Variants in CADPS2 observed in about 807,000 individuals in gnomAD.
The protein encoded by CADPS2 is calcium dependent secretion activator 2.
A neutral mutation model predicts 172.5 loss-of-function variants in CADPS2; 93 were observed. The ratio of observed to expected loss-of-function variants is 0.54; its 90% CI spans 0.46 to 0.64. CADPS2 has a LOEUF of 0.64. CADPS2 is among the 30% of genes least tolerant of loss of function. The pLI, the probability that CADPS2 is intolerant of heterozygous loss-of-function variation, is 0.00. For synonymous variants in CADPS2, 546 were observed against 555.2 expected (o/e 0.98, Z 0.23); for missense variants, 1,420 against 1,565.9 (o/e 0.91, Z 1.57).
Position 122,661,577 on chromosome 7 carries a change from G to A in CADPS2, c.786+1660C>T, listed in dbSNP as rs370799953. On this transcript the variant is annotated intron_variant, in intron 3 of 29. Transcript: ENST00000449022. ...TTCTTTCAAATCTCAGAACTGAAAG[G>A]AATTATAGCTTTAACTGAGACATAT... Among the ~76,000 whole-genome samples the A allele has an allele frequency of 9.0e-4, 137 of 152,106 alleles. 2 individuals carry two copies. The highest frequency in any genetic ancestry group is 3.2e-3 in the African/African-American group (132 of 41,494).
chr7:122,409,308 C>G (rs1214648675), intron 19 of CADPS2, among the ~76,000 whole-genome samples: 1 of 152,156 alleles, frequency 6.6e-6, no homozygotes, highest in Non-Finnish European at 1.5e-5. Context: ...AATCTCACTT[C>G]CAGTTCACAG....
At chr7:122,375,677 G>A (rs1480564311) in intron 25 of CADPS2, among the ~76,000 whole-genome samples, 1 of 151,958 alleles carries the variant, frequency 6.6e-6, no homozygotes, top group African/African-American at 2.4e-5. Context: ...AAAACATAGG[G>A]AAAAAGTTTC....
intron 1 of CADPS2, among the ~76,000 whole-genome samples, chr7:122,773,465 G>C (rs2093767168): frequency 6.6e-6 from 1 of 151,982 alleles, no homozygotes; most frequent in Non-Finnish European, 1.5e-5. Context: ...AAACTTTAAA[G>C]ATACCTTCGG....
At chr7:122,489,779 A>C (rs2058127671) in intron 11 of CADPS2, among the ~76,000 whole-genome samples, 1 of 152,132 alleles carries the variant, frequency 6.6e-6, no homozygotes, top group Non-Finnish European at 1.5e-5. Context: ...TAAGTCAAAA[A>C]TCACAATAAA....
chr7:122,412,585 T>C (rs1019816807), intron 19 of CADPS2, among the ~76,000 whole-genome samples: 8 of 152,240 alleles, frequency 5.3e-5, no homozygotes, highest in African/African-American at 1.7e-4. Flanking sequence ...AACTGAGAGC[T>C]GTCTGCATTG....
In CADPS2 at chr7:122,705,959, T is replaced by TTATATAATATAATATATA. The variant is rs2087274618; in HGVS notation, c.453+30995_453+30996insTATATATTATATTATATA. ...ATTATATAATATAATATATAATATA[T>TTATATAATATAATATATA]ATATAATATAATATAATATATAATA... is the stretch of plus-strand genomic sequence containing the variant. On this transcript the variant is annotated intron_variant, in intron 2 of 29. Coordinates refer to ENST00000449022, the MANE Select transcript of CADPS2 (RefSeq NM_017954.11). 2.2e-4 allele frequency among the ~76,000 whole-genome samples: 5 copies of TTATATAATATAATATATA among 23,150 alleles called. 2 individuals carry two copies. Among genetic ancestry groups the TTATATAATATAATATATA allele is most frequent in the African/African-American group, 1.1e-3 (5 of 4,580 alleles). The allele number at this position is 23,150 out of a possible 152,430, so 15.2% of individuals were successfully genotyped here. A position where few individuals can be genotyped will look rare whatever the true frequency, so the allele number is the denominator to read the frequency against.
intron 6 of CADPS2, among the ~76,000 whole-genome samples, chr7:122,597,588 T>C (rs2072040386): frequency 1.3e-5 from 2 of 152,158 alleles, no homozygotes; most frequent in African/African-American, 2.4e-5. Context: ...ACCATAGTTT[T>C]GTCTCTGAAA....
intron 13 of CADPS2, among the ~76,000 whole-genome samples, chr7:122,473,369 G>T (rs1307519007): frequency 6.6e-6 from 1 of 152,134 alleles, no homozygotes; most frequent in African/African-American, 2.4e-5. Context: ...TCTGGCTTGG[G>T]AGGCTGCCTG....
intron 15 of CADPS2, among the ~76,000 whole-genome samples, chr7:122,447,325 C>A (rs1047180578): frequency 9.3e-5 from 14 of 151,134 alleles, no homozygotes; most frequent in Admixed American, 3.9e-4. Flanking sequence ...AAAAGTAGTA[C>A]AATCTAATTA....
chr7:122,416,569 C>CT lies in CADPS2; in HGVS notation c.2477-406dup, dbSNP rs148331962. The stretch of plus-strand genomic sequence containing the variant: ...ATTCCTGGCATTAGCAAAACCCATG[C>CT]TTTTTTGTTGCTGTTTAAATTCCCG... On this transcript the variant is annotated intron_variant, in intron 17 of 29. Transcript: ENST00000449022. Among the ~76,000 whole-genome samples the CT allele has an allele frequency of 3.9e-3, 590 of 152,238 alleles. 5 individuals are homozygous for CT. The highest frequency in any genetic ancestry group is 0.013 in the African/African-American group (560 of 41,532).
chr7:122,605,988 A>C (rs2073475304), intron 6 of CADPS2, among the ~76,000 whole-genome samples: 1 of 152,168 alleles, frequency 6.6e-6, no homozygotes, highest in Non-Finnish European at 1.5e-5. Context: ...AAATGTCCCC[A>C]AACCACACAG....
chr7:122,776,945 A>G (rs1461377019), intron 1 of CADPS2, among the ~76,000 whole-genome samples: 1 of 152,068 alleles, frequency 6.6e-6, no homozygotes, highest in Admixed American at 6.6e-5. Flanking sequence ...GAGCCCAGGA[A>G]AAGGAGACCA....
intron 3 of CADPS2, among the ~76,000 whole-genome samples, chr7:122,639,770 A>C (rs1043900405): frequency 3.3e-5 from 5 of 152,176 alleles, no homozygotes; most frequent in Non-Finnish European, 5.9e-5. Context: ...TGTCATTAGG[A>C]AACTGGAGAT....
chr7:122,850,778 C>T (rs530302580), intron 1 of CADPS2, among the ~76,000 whole-genome samples: 1 of 152,288 alleles, frequency 6.6e-6, no homozygotes, highest in South Asian at 2.1e-4. Context: ...ATCATGGATT[C>T]ATTACACCTT....
Position 122,461,576 on chromosome 7 carries a change from C to A in CADPS2, c.2186+9799G>T, listed in dbSNP as rs145373135. Among the ~76,000 whole-genome samples the A allele has an allele frequency of 2.0e-5, 3 of 152,146 alleles. No homozygotes were observed. The East Asian group carries it at 5.8e-4, about 29-fold the overall frequency. Reference sequence around the variant, plus strand: ...CCTCAAAAGACTAGCATTTGTACTGCCAAGAGCCTTTTTTGTTGTTGTTTT... The same window carrying A: ...CCTCAAAAGACTAGCATTTGTACTGACAAGAGCCTTTTTTGTTGTTGTTTT... On this transcript the variant is annotated intron_variant, in intron 14 of 29. Coordinates refer to ENST00000449022, the MANE Select transcript of CADPS2 (RefSeq NM_017954.11).
chr7:122,872,903 C>T (rs1052131456), intron 1 of CADPS2, among the ~76,000 whole-genome samples: 4 of 152,058 alleles, frequency 2.6e-5, no homozygotes, highest in African/African-American at 9.7e-5. Flanking sequence ...AACCCAAGAA[C>T]AAAACTGGAG....
At chr7:122,587,339 C>A (rs2069891407) in intron 6 of CADPS2, among the ~76,000 whole-genome samples, 2 of 152,044 alleles carry the variant, frequency 1.3e-5, no homozygotes, top group South Asian at 4.1e-4. Flanking sequence ...CTGCTCAGCT[C>A]CCACATATAA....
chr7:122,673,429 G>A (rs1235255169), intron 2 of CADPS2, among the ~76,000 whole-genome samples: 1 of 151,908 alleles, frequency 6.6e-6, no homozygotes, highest in Non-Finnish European at 1.5e-5. Context: ...TCCTCTAGCT[G>A]GACATAAAAG....
Position 122,886,175 on chromosome 7 carries a change from T to TGGCCGCGCCGCCGCC in CADPS2, c.148_162dup (p.Gly50_Ala54dup). 1 of 1,484,920 alleles carries TGGCCGCGCCGCCGCC rather than the reference T, an allele frequency of 6.7e-7. No individual in the cohort carries two copies. Among genetic ancestry groups the TGGCCGCGCCGCCGCC allele is most frequent in the African/African-American group, 1.5e-5 (1 of 67,584 alleles). 92.0% of individuals were successfully genotyped at this position (1,484,920 alleles called of 1,614,324 possible). A position where few individuals can be genotyped will look rare whatever the true frequency, so the allele number is the denominator to read the frequency against. On this transcript the variant is annotated inframe_insertion, in exon 1 of 30. Coordinates refer to ENST00000449022, the MANE Select transcript of CADPS2 (RefSeq NM_017954.11). Reference sequence around the variant, plus strand: ...ACAGAGGGGCTCGGGCTCACAGATCTGGCCGCGCCGCCGCCGCCCGCGCGC... The same window carrying TGGCCGCGCCGCCGCC: ...ACAGAGGGGCTCGGGCTCACAGATCTGGCCGCGCCGCCGCCGGCCGCGCCGCCGCCGCCCGCGCGC...
Sources: gnomAD v4.1 joint callset for allele counts (sites outside exome capture counted in the v4.1 genomes callset) on GRCh38, gnomAD v4.1.1 for gene constraint, MANE v1.5 for transcripts, NCBI Gene and HGNC (gene_info 2026-07-23, HGNC 2026-07-21) for gene names.